The following ADGRV1 variants were observed in gnomAD, a reference collection of about 807,000 sequenced individuals.
The protein encoded by ADGRV1 is adhesion G protein-coupled receptor V1, also known as G-protein coupled receptor 98.
A neutral mutation model predicts 596.2 loss-of-function variants in ADGRV1; 359 were observed. The ratio of observed to expected loss-of-function variants is 0.60; its 90% confidence interval spans 0.55 to 0.66. The LOEUF is 0.66. Ranked by LOEUF, ADGRV1 falls within the 30% of genes least tolerant of loss-of-function variation. ADGRV1 has a pLI of 0.00. For missense variants in ADGRV1, 7,274 were observed against 7,575.6 expected (o/e 0.96, Z 1.48); for synonymous variants, 2,681 against 2,679.2 (o/e 1.00, Z -0.02).
rs368171530 is a variant in ADGRV1 at position 90,628,640 on chromosome 5, C to T, written c.1317C>T (p.Ser439=). The T allele has an allele frequency of 1.4e-4, 220 of 1,613,788 alleles. No individual in the cohort carries two copies. Among genetic ancestry groups the T allele is most frequent in the Non-Finnish European group, 9.8e-5 (116 of 1,179,662 alleles). The change falls in exon 8 of 90, where the codon AGC becomes AGT. Residue 439 remains serine, a synonymous_variant. Transcript: ENST00000405460. ...VSANWVLTRN[S]TDPSPVTADI... ...CGAATTGGGTGTTGACACGGAACAGCACTGATCCCTCACCAGTAACAGCAG... is the reference window on the plus strand; with the variant it reads ...CGAATTGGGTGTTGACACGGAACAGTACTGATCCCTCACCAGTAACAGCAG...
intron 76 of ADGRV1, among the ~76,000 whole-genome samples, chr5:90,828,121 T>C (rs1764214506): frequency 6.6e-6 from 1 of 152,152 alleles, no homozygotes; most frequent in African/African-American, 2.4e-5. Flanking sequence ...ATTCAGGCTT[T>C]AGAAAATAAA....
At position 90,594,485 on chromosome 5, in the gene ADGRV1, CTTT is replaced by C. The variant is rs569370594; in HGVS notation, c.23-20331_23-20329del. Reference sequence around the variant, plus strand: ...ATAAATTACTCAGTCTCTGGCAGTTCTTTTTTTTTTTTTTTTTTTTTAATCATT... The same window carrying C: ...ATAAATTACTCAGTCTCTGGCAGTTCTTTTTTTTTTTTTTTTTTAATCATT... On this transcript the variant is annotated intron_variant, in intron 1 of 89. Transcript: ENST00000405460. Among the ~76,000 whole-genome samples, 372 of 108,294 alleles carry C rather than the reference CTTT, an allele frequency of 3.4e-3. 1 individual carries two copies. The highest frequency in any genetic ancestry group is 4.8e-3 in the Middle Eastern group (1 of 208). 71.0% of individuals were successfully genotyped at this position (108,294 alleles called of 152,430 possible). A position where few individuals can be genotyped will look rare whatever the true frequency, so the allele number is the denominator to read the frequency against.
intron 35 of ADGRV1, 65 bp from the exon 36 acceptor site, chr5:90,704,324 A>G (rs1748306632): frequency 1.0e-6 from 1 of 961,712 alleles, no homozygotes; most frequent in East Asian, 2.8e-5. Flanking sequence ...GTGAATAAAA[A>G]TAAAGCAGGA....
intron 37 of ADGRV1, 31 bp from the exon 38 acceptor site, chr5:90,706,200 T>C (rs747578330): frequency 1.1e-4 from 174 of 1,576,504 alleles, no homozygotes; most frequent in Non-Finnish European, 1.3e-4. Context: ...TTTAGATAAT[T>C]ATAAAACATT....
Position 90,791,236 on chromosome 5 carries a change from A to T in ADGRV1, c.14407A>T (p.Ile4803Leu), listed in dbSNP as rs2150135320. 1 of 1,613,188 alleles carries T rather than the reference A, an allele frequency of 6.2e-7. No homozygotes were observed. The change falls in exon 70 of 90, where the codon ATA becomes TTA. Residue 4803 changes from isoleucine to leucine, a missense_variant. Around this residue, in one of 5 missense-constraint regions of ADGRV1, gnomAD observed 1,874 missense variants for 1,970.2 expected, o/e 0.95. Transcript: ENST00000405460. ...TGGAGATGTGGCTGTTGGGCTTCGA[A>T]TATCATCGGATCATAAAGAACAGCC... ...TFGDVAVGLR[I>L]SSDHKEQPIV...
intron 34 of ADGRV1, among the ~76,000 whole-genome samples, chr5:90,700,750 TA>T (rs1282895605): frequency 2.0e-5 from 3 of 152,206 alleles, no homozygotes; most frequent in Non-Finnish European, 2.9e-5. Context: ...AACTTTTTCT[TA>T]ACTGTTCTTT....
intron 85 of ADGRV1, among the ~76,000 whole-genome samples, chr5:91,053,086 T>A (rs1786499034): frequency 6.6e-6 from 1 of 152,224 alleles, no homozygotes; most frequent in Admixed American, 6.5e-5. Flanking sequence ...CTTGTCATTT[T>A]CATTGGGTTG....
At chr5:90,640,679 A>G (rs574306825) in intron 11 of ADGRV1, 1 of 152,628 alleles carries the variant, frequency 6.6e-6, no homozygotes, top group Non-Finnish European at 1.5e-5. Flanking sequence ...CAGAGTTCCC[A>G]TAAAACGCAC....
In ADGRV1 at chr5:90,815,639, A is replaced by T. The variant is rs545236711; in HGVS notation, c.16099A>T (p.Ile5367Phe). ...TTCAGGGAGTGACCTTCACAATGGCATCATAGGATTCAGTGAGGAGTCCCA... is the reference window on the plus strand; with the variant it reads ...TTCAGGGAGTGACCTTCACAATGGCTTCATAGGATTCAGTGAGGAGTCCCA... ...IITGSDLHNG[I>F]IGFSEESQSG... Residue 5367 changes from isoleucine to phenylalanine, a missense_variant, in exon 75 of 90, where the codon ATC (isoleucine) becomes TTC (phenylalanine). Physicochemically the swap from Ile to Phe is conservative, Grantham distance 21 (BLOSUM62 0). Transcript: ENST00000405460. 6 of 1,569,792 alleles carry T rather than the reference A, an allele frequency of 3.8e-6. No homozygotes were observed. The highest frequency in any genetic ancestry group is 2.6e-6 in the Non-Finnish European group (3 of 1,154,504).
chr5:90,912,405 G>C (rs531685032), intron 83 of ADGRV1, among the ~76,000 whole-genome samples: 2 of 152,238 alleles, frequency 1.3e-5, no homozygotes, highest in East Asian at 3.9e-4. Context: ...TTTAGATTCA[G>C]TGGTTGCATA....
intron 1 of ADGRV1, among the ~76,000 whole-genome samples, chr5:90,596,222 T>C (rs1580392676): frequency 7.5e-6 from 1 of 133,388 alleles, no homozygotes; most frequent in Non-Finnish European, 1.6e-5. Flanking sequence ...CCTCACTTCC[T>C]AGATGTGATG....
At chr5:90,867,117 A>G (rs971200750) in intron 83 of ADGRV1, among the ~76,000 whole-genome samples, 7 of 152,132 alleles carry the variant, frequency 4.6e-5, no homozygotes, top group African/African-American at 1.7e-4. Context: ...GACAAAGAGC[A>G]AGTTTGCAGT....
intron 1 of ADGRV1, among the ~76,000 whole-genome samples, chr5:90,566,142 C>T (rs1453628271): frequency 1.3e-5 from 2 of 151,780 alleles, no homozygotes; most frequent in African/African-American, 4.8e-5. Flanking sequence ...TGATGGTGTC[C>T]TGTGAAGCAA....
intron 85 of ADGRV1, among the ~76,000 whole-genome samples, chr5:91,045,565 A>C (rs893046302): frequency 6.6e-6 from 1 of 152,208 alleles, no homozygotes; most frequent in Non-Finnish European, 1.5e-5. Context: ...ATCTATGACA[A>C]ACCCACAGCC....
intron 1 of ADGRV1, among the ~76,000 whole-genome samples, chr5:90,601,355 A>G (rs772210595): frequency 3.0e-4 from 45 of 152,222 alleles, no homozygotes; most frequent in Non-Finnish European, 2.8e-4. Context: ...GACTTTTTAG[A>G]ATATCATACC....
intron 52 of ADGRV1, among the ~76,000 whole-genome samples, chr5:90,746,114 G>A (rs984633426): frequency 2.2e-4 from 33 of 151,982 alleles, no homozygotes; most frequent in Admixed American, 5.9e-4. Flanking sequence ...TGTTACCAGA[G>A]AGAAAGGATG....
chr5:90,576,971 T>G (rs1757311621), intron 1 of ADGRV1, among the ~76,000 whole-genome samples: 1 of 152,232 alleles, frequency 6.6e-6, no homozygotes, highest in Admixed American at 6.5e-5. Flanking sequence ...TTGTTTGTTT[T>G]TTTTCTTGTG....
In ADGRV1 at chr5:90,653,533, G is replaced by A. The variant is rs373945216; in HGVS notation, c.3959G>A (p.Arg1320His). The change falls in exon 20 of 90, where the codon CGT becomes CAT. Residue 1320 changes from arginine (R) to histidine (H), a missense_variant. Around this residue, in one of 5 missense-constraint regions of ADGRV1, gnomAD observed 1,715 missense variants for 1,708.8 expected, o/e 1.00. Coordinates refer to ENST00000405460, the MANE Select transcript of ADGRV1 (RefSeq NM_032119.4). ...TTVHLQQHMR[R>H]HHSGTDALYF... ...GTGCATTTACAACAGCACATGCGGC[G>A]TCACCACAGTGGAACGGATGCTTTG... 1.2e-5 allele frequency: 20 copies of A among 1,613,772 alleles called. No individual in the cohort carries two copies. Among genetic ancestry groups the A allele is most frequent in the East Asian group, 4.5e-5 (2 of 44,892 alleles).
At chr5:91,058,555 C>T (rs1787114743) in intron 85 of ADGRV1, among the ~76,000 whole-genome samples, 1 of 151,756 alleles carries the variant, frequency 6.6e-6, no homozygotes, top group African/African-American at 2.4e-5. Flanking sequence ...AGTTTAAATC[C>T]CTAGAAAAGC....
Sources: gnomAD v4.1 joint callset for allele counts (sites outside exome capture counted in the v4.1 genomes callset) on GRCh38, gnomAD v4.1.1 for gene constraint, gnomAD v4.1.1 regional missense constraint, MANE v1.5 for transcripts, NCBI Gene and HGNC (gene_info 2026-07-23, HGNC 2026-07-21) for gene names.